Variants in RMDN2 observed in about 807,000 individuals in gnomAD.
RMDN2 encodes regulator of microtubule dynamics 2, also known as regulator of microtubule dynamics protein 2.
A neutral mutation model predicts 52.8 loss-of-function variants in RMDN2; 61 were observed. The observed-to-expected ratio is 1.16, with a 90% confidence interval of 0.94 to 1.43. The LOEUF is 1.43. Ranked by LOEUF, RMDN2 falls within the 40% of genes most tolerant of loss-of-function variation. RMDN2 has a pLI of 0.00. For synonymous variants in RMDN2, 180 were observed against 153.1 expected, an observed-to-expected ratio of 1.18 and a Z score of -1.30; for missense variants, 592 against 475.3, an observed-to-expected ratio of 1.25 and a Z score of -2.28.
intron 2 of RMDN2, among the ~76,000 whole-genome samples, chr2:37,955,936 G>A (rs1669399279): frequency 6.7e-6 from 1 of 148,248 alleles, no homozygotes; most frequent in Non-Finnish European, 1.5e-5. Flanking sequence ...CTAATGGGTT[G>A]TTGAATTCTG....
intron 10 of RMDN2, chr2:38,036,547 C>T (rs1231231557): frequency 6.6e-6 from 1 of 152,186 alleles, no homozygotes; most frequent in African/African-American, 2.4e-5. Flanking sequence ...CTCCTTGCCA[C>T]CCTGTCCAAC....
In RMDN2 at chr2:37,935,803, A is replaced by G. The variant is rs114439655; in HGVS notation, c.452+6074A>G. Among the ~76,000 whole-genome samples, 1,204 of 152,276 alleles carry G rather than the reference A, an allele frequency of 7.9e-3. 9 individuals carry two copies. The highest frequency in any genetic ancestry group is 0.011 in the Non-Finnish European group (740 of 68,020). On this transcript the variant is annotated intron_variant, in intron 2 of 10. Transcript: ENST00000354545. ...TATTGATATGTATATATATAAAATT[A>G]TTTCATTCTTTTTAAGTGCTATGCT...
At chr2:37,999,633 T>C (rs1385510937) in intron 8 of RMDN2, among the ~76,000 whole-genome samples, 1 of 152,066 alleles carries the variant, frequency 6.6e-6, no homozygotes, top group African/African-American at 2.4e-5. Flanking sequence ...CTAAGAAATC[T>C]GGGAAGTGGA....
chr2:38,029,941 A>T (rs1326844116), intron 10 of RMDN2: 1 of 152,178 alleles, frequency 6.6e-6, no homozygotes. Flanking sequence ...GCAAGAGAGA[A>T]TGAGAGCCAA....
chr2:37,934,230 A>G (rs1482692080), intron 2 of RMDN2, among the ~76,000 whole-genome samples: 1 of 152,246 alleles, frequency 6.6e-6, no homozygotes, highest in Non-Finnish European at 1.5e-5. Flanking sequence ...AGTTGTTGAC[A>G]AAAACTTGAG....
intron 10 of RMDN2, among the ~76,000 whole-genome samples, chr2:38,027,595 A>G (rs192545282): frequency 6.6e-5 from 10 of 152,340 alleles, no homozygotes; most frequent in East Asian, 1.9e-4. Context: ...TACTTGTACT[A>G]TGGAATTACT....
downstream of RMDN2, chr2:38,017,869 G>A (rs1679018617): frequency 1.1e-5 from 2 of 182,914 alleles, no homozygotes; most frequent in African/African-American, 2.4e-5. Context: ...AGGTAAGGGT[G>A]GGGCCATTTT....
At chr2:37,951,909 G>A (rs1668865589) in intron 2 of RMDN2, 1 of 1,613,070 alleles carries the variant, frequency 6.2e-7, no homozygotes, top group African/African-American at 1.3e-5. Flanking sequence ...AAATGGAATT[G>A]CCAATGATAT....
downstream of RMDN2, among the ~76,000 whole-genome samples, chr2:38,018,633 C>T (rs1254707906): frequency 6.6e-6 from 1 of 152,138 alleles, no homozygotes; most frequent in African/African-American, 2.4e-5. Flanking sequence ...AGGATCTCAA[C>T]AGTATAAAAA....
intron 7 of RMDN2, among the ~76,000 whole-genome samples, chr2:37,992,620 C>T (rs1674957377): frequency 6.6e-6 from 1 of 152,106 alleles, no homozygotes; most frequent in African/African-American, 2.4e-5. Context: ...TCTTCAGCAT[C>T]TAGCTCAGTT....
chr2:37,942,097 G>T (rs1033818704), intron 2 of RMDN2, among the ~76,000 whole-genome samples: 5 of 152,124 alleles, frequency 3.3e-5, no homozygotes, highest in African/African-American at 1.2e-4. Flanking sequence ...GTAGTATCTG[G>T]GCCAGATATC....
intron 2 of RMDN2, among the ~76,000 whole-genome samples, chr2:37,970,786 T>C (rs934532192): frequency 1.3e-5 from 2 of 152,156 alleles, no homozygotes; most frequent in Non-Finnish European, 2.9e-5. Context: ...ATAAAGATAA[T>C]AGCTTTATAC....
At chr2:38,018,799 A>G (rs1245645298), downstream of RMDN2, among the ~76,000 whole-genome samples, 1 of 152,160 alleles carries the variant, frequency 6.6e-6, no homozygotes, top group Non-Finnish European at 1.5e-5. Flanking sequence ...ATTCCCTGCT[A>G]CCTCTTAATC....
chr2:38,048,807 C>G (rs1343854455), intron 10 of RMDN2, among the ~76,000 whole-genome samples: 1 of 152,244 alleles, frequency 6.6e-6, no homozygotes, highest in African/African-American at 2.4e-5. Context: ...AGATTATTAG[C>G]ACTGTCGCAA....
At chr2:37,950,972 C>T (rs1054962617) in intron 2 of RMDN2, among the ~76,000 whole-genome samples, 2 of 152,048 alleles carry the variant, frequency 1.3e-5, no homozygotes, top group Non-Finnish European at 2.9e-5. Context: ...TTTTCAACTT[C>T]TCTTCCCAAG....
chr2:37,993,643 A>T (rs2125146128), intron 7 of RMDN2, among the ~76,000 whole-genome samples: 1 of 152,210 alleles, frequency 6.6e-6, no homozygotes, highest in East Asian at 1.9e-4. Flanking sequence ...CAAGGCTGGT[A>T]ACCTAAAGCT....
At chr2:37,949,057 A>C (rs1017587515) in intron 2 of RMDN2, among the ~76,000 whole-genome samples, 5 of 152,174 alleles carry the variant, frequency 3.3e-5, no homozygotes, top group Non-Finnish European at 7.4e-5. Context: ...TGCAAAAGAG[A>C]TCCTTTTGGA....
At chr2:38,050,356 A>AAT (rs1553391084) in intron 10 of RMDN2, among the ~76,000 whole-genome samples, 1 of 151,614 alleles carries the variant, frequency 6.6e-6, no homozygotes, top group African/African-American at 2.4e-5. Context: ...TTAAAAAAAA[A>AAT]AATAAAAAAA....
At chr2:37,963,819 T>C (rs1183700772) in intron 2 of RMDN2, among the ~76,000 whole-genome samples, 1 of 152,172 alleles carries the variant, frequency 6.6e-6, no homozygotes, top group Non-Finnish European at 1.5e-5. Context: ...CCGTTCTCAA[T>C]GAGCTGTTGG....
Sources: gnomAD v4.1 joint callset for allele counts (sites outside exome capture counted in the v4.1 genomes callset) on GRCh38, gnomAD v4.1.1 for gene constraint, MANE v1.5 for transcripts, NCBI Gene and HGNC (gene_info 2026-07-23, HGNC 2026-07-21) for gene names.